CFTR: variants seen among roughly 807,000 people sequenced by gnomAD.
CFTR encodes the protein cystic fibrosis transmembrane conductance regulator.
CFTR carries 181 observed loss-of-function variants against 171.6 expected under a neutral mutation model. That is an observed-to-expected ratio of 1.05 (90% CI 0.93 to 1.19). The LOEUF (loss-of-function observed/expected upper bound fraction) is 1.19, where lower values mean the gene tolerates loss of function less well. Ranked by LOEUF, CFTR falls within the 50% of genes most tolerant of loss-of-function variation. The pLI, the probability that CFTR is intolerant of heterozygous loss-of-function variation, is 0.00. For missense variants in CFTR, 1,968 were observed against 1,734.7 expected (o/e 1.13, Z -2.39); for synonymous variants, 583 against 608.0 (o/e 0.96, Z 0.60).
intron 1 of CFTR, among the ~76,000 whole-genome samples, chr7:117,503,914 A>G (rs1012714607): frequency 6.6e-6 from 1 of 152,156 alleles, no homozygotes; most frequent in East Asian, 1.9e-4. Context: ...TTTGCTATAA[A>G]CTGCTAGTAT....
Position 117,606,761 on chromosome 7 carries a change from A to C in CFTR, c.2988+8A>C. The C allele has an allele frequency of 7.0e-7, 1 of 1,436,458 alleles. No individual in the cohort carries two copies. The highest frequency in any genetic ancestry group is 9.8e-7 in the Non-Finnish European group (1 of 1,018,198). 89.0% of individuals were successfully genotyped at this position (1,436,458 alleles called of 1,614,324 possible). On this transcript the variant is annotated splice_region_variant and intron_variant, in intron 18 of 26. Transcript: ENST00000003084. ...ATATTTGACTTCATCCAGGTATGTA[A>C]AAATAAGTACCGTTAAGTATGTCTG... is the stretch of plus-strand genomic sequence containing the variant.
intron 23 of CFTR, among the ~76,000 whole-genome samples, chr7:117,649,514 TATATA>T (rs1173671218): frequency 9.5e-4 from 124 of 129,888 alleles, no homozygotes; most frequent in East Asian, 4.4e-3. Flanking sequence ...TATATATATA[TATATA>T]TTTTTTTTTT....
At chr7:117,659,935 C>T (rs1309380423) in intron 24 of CFTR, among the ~76,000 whole-genome samples, 3 of 151,896 alleles carry the variant, frequency 2.0e-5, no homozygotes, top group Non-Finnish European at 4.4e-5. Context: ...TTTCATGTTT[C>T]TCTGTCACAA....
rs213990 is a variant in CFTR, at chr7:117,639,908, A to G, written c.3718-2530A>G. ...GTCATCTTGATTTCTGGAGACCACA[A>G]GGTAATGAAAAATAATTACAAGAGT... On this transcript the variant is annotated intron_variant, in intron 22 of 26. Transcript: ENST00000003084. Among the ~76,000 whole-genome samples the G allele has an allele frequency of 4.1e-3, 622 of 152,302 alleles. 1 individual carries two copies. The highest frequency in any genetic ancestry group is 0.014 in the African/African-American group (571 of 41,582).
At chr7:117,619,407 C>T (rs1467236270) in intron 21 of CFTR, among the ~76,000 whole-genome samples, 1 of 152,232 alleles carries the variant, frequency 6.6e-6, no homozygotes, top group Non-Finnish European at 1.5e-5. Context: ...TACTCACACT[C>T]ATAATCACAT....
In CFTR at chr7:117,667,229, T is replaced by A; in HGVS notation, c.*121T>A. The A allele has an allele frequency of 1.1e-6, 1 of 903,426 alleles. No homozygotes were observed. The highest frequency in any genetic ancestry group is 1.7e-6 in the Non-Finnish European group (1 of 588,614). 56.0% of individuals were successfully genotyped at this position (903,426 alleles called of 1,614,324 possible). ...TCTGCCTCAGAAAACAAGGATGAAT[T>A]AAGTTTTTTTTTAAAAAAGAAACAT... On this transcript the variant is annotated 3_prime_UTR_variant, in exon 27 of 27. Transcript: ENST00000003084.
At chr7:117,560,532 TC>T (rs972349246) in intron 11 of CFTR, among the ~76,000 whole-genome samples, 2 of 151,894 alleles carry the variant, frequency 1.3e-5, no homozygotes, top group African/African-American at 4.8e-5. Flanking sequence ...AAATACAGTA[TC>T]CAAAAAAATG....
intron 11 of CFTR, among the ~76,000 whole-genome samples, chr7:117,571,994 A>C (rs893942486): frequency 7.0e-6 from 1 of 143,370 alleles, no homozygotes; most frequent in Non-Finnish European, 1.5e-5. Context: ...ACCTTTTTTT[A>C]TTATTTTATT....
At chr7:117,640,789 G>A (rs756128932) in intron 22 of CFTR, among the ~76,000 whole-genome samples, 3 of 152,094 alleles carry the variant, frequency 2.0e-5, no homozygotes, top group Non-Finnish European at 4.4e-5. Context: ...GAACAAAATT[G>A]ATTAAATCCA....
rs915434373 is a variant in CFTR, at chr7:117,627,768, A to G, written c.3715A>G (p.Arg1239Gly). ...NISFSISPGQ[R>G]VGLLGRTGSG... The stretch of plus-strand genomic sequence containing the variant: ...TTCCTTCTCAATAAGTCCTGGCCAG[A>G]GGGTGAGATTTGAACACTGCTTGCT... The change falls in exon 22 of 27, where the codon AGG becomes GGG. Residue 1239 changes from arginine to glycine, a missense_variant and splice_region_variant. Transcript: ENST00000003084. 6.2e-7 allele frequency: 1 copy of G among 1,610,520 alleles called. No individual in the cohort carries two copies.
At chr7:117,661,001 T>C (rs1224171939) in intron 24 of CFTR, among the ~76,000 whole-genome samples, 9 of 152,212 alleles carry the variant, frequency 5.9e-5, no homozygotes, top group Non-Finnish European at 1.2e-4. Flanking sequence ...AGCAGTCATT[T>C]ACATCCAAAA....
chr7:117,592,363 A>G lies in CFTR; in HGVS notation c.2196A>G (p.Leu732=). 1 of 1,614,076 alleles carries G rather than the reference A, an allele frequency of 6.2e-7. No homozygotes were observed. The highest frequency in any genetic ancestry group is 8.5e-7 in the Non-Finnish European group (1 of 1,179,910). Residue 732 remains leucine, a synonymous_variant, in exon 14 of 27, where the codon TTA becomes TTG. Coordinates refer to ENST00000003084, the MANE Select transcript of CFTR (RefSeq NM_000492.4). The stretch of plus-strand genomic sequence containing the variant: ...TCGAAGAGGATTCTGATGAGCCTTT[A>G]GAGAGAAGGCTGTCCTTAGTACCAG... The part of the protein sequence containing the change: ...NGIEEDSDEP[L]ERRLSLVPDS...
At chr7:117,572,432 CT>C (rs1191690744) in intron 11 of CFTR, among the ~76,000 whole-genome samples, 1 of 152,022 alleles carries the variant, frequency 6.6e-6, no homozygotes, top group Non-Finnish European at 1.5e-5. Flanking sequence ...ACAATCTTTC[CT>C]AAAAAAACAG....
At chr7:117,596,932 T>G (rs1792139162) in intron 15 of CFTR, among the ~76,000 whole-genome samples, 1 of 152,152 alleles carries the variant, frequency 6.6e-6, no homozygotes, top group Admixed American at 6.5e-5. Flanking sequence ...TGTGTCTAGC[T>G]CAGGGATTGT....
intron 13 of CFTR, among the ~76,000 whole-genome samples, chr7:117,591,703 T>C (rs192145113): frequency 7.9e-4 from 120 of 152,260 alleles, no homozygotes; most frequent in Middle Eastern, 3.4e-3. Flanking sequence ...TTTAATTTCA[T>C]TCTCAGTCTG....
intron 15 of CFTR, among the ~76,000 whole-genome samples, chr7:117,597,911 A>C: frequency 6.6e-6 from 1 of 152,096 alleles, no homozygotes; most frequent in East Asian, 1.9e-4. Context: ...GCAGTGGATG[A>C]GGCTTTTCTA....
chr7:117,580,364 T>A (rs1791831956), intron 11 of CFTR, among the ~76,000 whole-genome samples: 1 of 152,042 alleles, frequency 6.6e-6, no homozygotes, highest in East Asian at 1.9e-4. Flanking sequence ...TGAGGTGTGA[T>A]TATATTAATA....
chr7:117,564,119 A>ACAT (rs1239912999), intron 11 of CFTR, among the ~76,000 whole-genome samples: 1 of 152,212 alleles, frequency 6.6e-6, no homozygotes, highest in African/African-American at 2.4e-5. Flanking sequence ...TCCACGTAGC[A>ACAT]CATTGAGAGA....
intron 5 of CFTR, among the ~76,000 whole-genome samples, chr7:117,534,660 C>T (rs895039705): frequency 1.3e-5 from 2 of 152,098 alleles, no homozygotes; most frequent in African/African-American, 4.8e-5. Flanking sequence ...GTACTTTGGC[C>T]AGATATGATA....
Sources: allele counts gnomAD v4.1 joint callset (sites outside exome capture counted in the v4.1 genomes callset), GRCh38; gene constraint gnomAD v4.1.1; transcripts MANE v1.5; gene names NCBI Gene and HGNC (gene_info 2026-07-23, HGNC 2026-07-21).